The following CAPN14 variants were observed in gnomAD, a reference collection of about 807,000 sequenced individuals.
CAPN14 encodes the protein calpain-14.
In CAPN14, 94 loss-of-function variants were observed where a neutral mutation model predicts 101.3. The observed-to-expected ratio is 0.93, with a 90% confidence interval of 0.79 to 1.10. The LOEUF (loss-of-function observed/expected upper bound fraction) is 1.10, where lower values mean the gene tolerates loss of function less well. Ranked by LOEUF, CAPN14 falls within the 50% of genes least tolerant of loss-of-function variation. The pLI is 0.00. For missense variants in CAPN14, 837 were observed against 828.4 expected, an observed-to-expected ratio of 1.01 and a Z score of -0.13; for synonymous variants, 338 against 317.9, an observed-to-expected ratio of 1.06 and a Z score of -0.67.
Position 31,174,704 on chromosome 2 carries a change from T to A in CAPN14, c.2032A>T (p.Met678Leu), listed in dbSNP as rs796773681. 3.2e-6 allele frequency: 5 copies of A among 1,551,610 alleles called. No individual in the cohort carries two copies. In the Admixed American group the frequency reaches 9.8e-5, roughly 30 times the overall value. Residue 678 changes from methionine to leucine, a missense_variant, in exon 22 of 22, where the codon ATG (methionine) becomes TTG (leucine). Met to Leu is a conservative substitution (Grantham distance 15). Transcript: ENST00000403897. ...KGIYLQKPEW[M>L]MMALYS The stretch of plus-strand genomic sequence containing the variant: ...TCTCAGGAGTACAGTGCCATCATCA[T>A]CCACTGGACATGTTGGGAAAGCAAA...
intron 1 of CAPN14, among the ~76,000 whole-genome samples, chr2:31,209,377 G>T (rs1161325602): frequency 6.6e-6 from 1 of 152,104 alleles, no homozygotes; most frequent in African/African-American, 2.4e-5. Context: ...CTGGGTGCTA[G>T]GAAGGGCGTT....
At chr2:31,175,814 G>A (rs1369898758) in intron 21 of CAPN14, among the ~76,000 whole-genome samples, 1 of 152,174 alleles carries the variant, frequency 6.6e-6, no homozygotes, top group Non-Finnish European at 1.5e-5. Flanking sequence ...GCAGAGGAAG[G>A]GTTGCAGAAT....
chr2:31,180,965 C>T lies in CAPN14; in HGVS notation c.1681G>A (p.Ala561Thr). The T allele has an allele frequency of 6.4e-7, 1 of 1,551,822 alleles. No individual in the cohort carries two copies. The highest frequency in any genetic ancestry group is 1.4e-5 in the African/African-American group (1 of 73,170). The change falls in exon 17 of 22, where the codon GCC becomes ACC. Residue 561 changes from alanine (A) to threonine (T), a missense_variant. Transcript: ENST00000403897. ...GSRQPFFSLE[A>T]CQGILALLDL... is the part of the protein sequence containing the mutation. ...AGTAAGGCCAGGATCCCCTGGCAGGCTTCCAGGCTAAAGAAGGGCTGTCTG... is the reference window on the plus strand; with the variant it reads ...AGTAAGGCCAGGATCCCCTGGCAGGTTTCCAGGCTAAAGAAGGGCTGTCTG...
intron 7 of CAPN14, among the ~76,000 whole-genome samples, chr2:31,197,660 G>A (rs1174674484): frequency 6.6e-6 from 1 of 152,184 alleles, no homozygotes; most frequent in African/African-American, 2.4e-5. Context: ...TTTGGAAAAA[G>A]GATCTTTGCA....
intron 9 of CAPN14, among the ~76,000 whole-genome samples, chr2:31,193,579 C>T (rs941697210): frequency 6.6e-6 from 1 of 152,324 alleles, no homozygotes; most frequent in Admixed American, 6.5e-5. Context: ...TTTCTGGAAT[C>T]ATGGTGATAG....
At chr2:31,216,137 G>A (rs1682634047) in intron 1 of CAPN14, among the ~76,000 whole-genome samples, 1 of 152,130 alleles carries the variant, frequency 6.6e-6, no homozygotes, top group African/African-American at 2.4e-5. Context: ...AATATGATGA[G>A]ATTCACAAAC....
At chr2:31,197,384 C>A (rs943732727) in intron 7 of CAPN14, 50 bp from the exon 8 acceptor site, 1 of 1,269,680 alleles carries the variant, frequency 7.9e-7, no homozygotes, top group African/African-American at 1.5e-5. Flanking sequence ...TGCAAACATT[C>A]CAGAGATCTG....
chr2:31,178,540 C>T lies in CAPN14; in HGVS notation c.1750G>A (p.Asp584Asn). 6.5e-7 allele frequency: 1 copy of T among 1,549,548 alleles called. No individual in the cohort carries two copies. The highest frequency in any genetic ancestry group is 1.2e-5 in the South Asian group (1 of 83,666). Residue 584 changes from aspartate to asparagine, a missense_variant, in exon 18 of 22, where the codon GAC becomes AAC. Asp to Asn is a conservative substitution (Grantham distance 23, BLOSUM62 1). Transcript: ENST00000403897. ...GAGAGCTTCAGCTGCTTCCACAGGT[C>T]CCTGAATTCCTGGATGCTCATAGTA... ...SGTMSIQEFR[D>N]LWKQLKLSQK... is the part of the protein sequence containing the mutation.
chr2:31,210,164 C>A (rs111309892), intron 1 of CAPN14, among the ~76,000 whole-genome samples: 8,592 of 152,258 alleles, frequency 0.056, 288 homozygotes, highest in African/African-American at 0.085. Flanking sequence ...TCAGTCAGGG[C>A]CAGGAGCGGT....
At chr2:31,229,080 C>T (rs1683109058) in intron 1 of CAPN14, among the ~76,000 whole-genome samples, 1 of 152,150 alleles carries the variant, frequency 6.6e-6, no homozygotes, top group Non-Finnish European at 1.5e-5. Flanking sequence ...AGTCCAAAAA[C>T]ACTAAACTTC....
intron 1 of CAPN14, among the ~76,000 whole-genome samples, chr2:31,231,800 C>T (rs1683201208): frequency 6.6e-6 from 1 of 152,204 alleles, no homozygotes; most frequent in South Asian, 2.1e-4. Context: ...GGTCCAGACG[C>T]CACTGTATTA....
chr2:31,174,800 G>A (rs1337391307), intron 21 of CAPN14, 93 bp from the exon 22 acceptor site: 1 of 1,180,370 alleles, frequency 8.5e-7, no homozygotes, highest in South Asian at 1.3e-5. Context: ...CATGGAGACA[G>A]AACATTAATG....
intron 10 of CAPN14, 46 bp from the exon 11 acceptor site, chr2:31,192,144 G>A: frequency 6.7e-7 from 1 of 1,493,464 alleles, no homozygotes; most frequent in Non-Finnish European, 9.0e-7. Context: ...GGATCCCCAT[G>A]CATCCTGCTT....
intron 21 of CAPN14, among the ~76,000 whole-genome samples, chr2:31,176,342 T>C (rs370385463): frequency 2.4e-4 from 37 of 152,240 alleles, no homozygotes; most frequent in East Asian, 2.1e-3. Context: ...ATTTGTCACA[T>C]GGCATTATTG....
rs540711934 is a variant in CAPN14 at position 31,178,803 on chromosome 2, G to A, written c.1711-224C>T. On this transcript the variant is annotated intron_variant, in intron 17 of 21. Coordinates refer to ENST00000403897, the MANE Select transcript of CAPN14 (RefSeq NM_001145122.2). ...AATGAGCCCAGAGCACAGCAGCACT[G>A]GGAGAAGCGATGATGATGGAGGTGA... Among the ~76,000 whole-genome samples the A allele has an allele frequency of 1.8e-4, 27 of 152,160 alleles. No individual in the cohort carries two copies. The Middle Eastern group carries it at 0.017, about 96-fold the overall frequency.
rs1316483720 is a variant in CAPN14, at chr2:31,192,032, A to G, written c.1181T>C (p.Leu394Pro). Residue 394 changes from leucine (L) to proline (P), a missense_variant, in exon 11 of 22, where the codon CTG becomes CCG. Leu to Pro is a moderately conservative substitution (Grantham distance 98). Transcript: ENST00000403897. The stretch of plus-strand genomic sequence containing the variant: ...GGACACCAGCACGCTGCAGGGCCTC[A>G]GGGATCTCCTGCCCTCCTCGGGCCT... The part of the protein sequence containing the change: ...VWRPEEGRRS[L>P]RPCSVLVSLL... 1.9e-6 allele frequency: 3 copies of G among 1,551,610 alleles called. No individual in the cohort carries two copies. The highest frequency in any genetic ancestry group is 1.7e-6 in the Non-Finnish European group (2 of 1,146,948).
intron 16 of CAPN14, among the ~76,000 whole-genome samples, chr2:31,181,599 G>C (rs967355138): frequency 1.3e-4 from 19 of 146,614 alleles, no homozygotes; most frequent in African/African-American, 4.9e-4. Context: ...GTATACATGT[G>C]CCATGCTGGT....
intron 2 of CAPN14, among the ~76,000 whole-genome samples, chr2:31,224,799 C>A (rs1682971407): frequency 6.6e-6 from 1 of 151,616 alleles, no homozygotes; most frequent in Non-Finnish European, 1.5e-5. Context: ...TATAAAATAT[C>A]TGAGAATAAT....
At chr2:31,209,453 A>C (rs1439274183) in intron 1 of CAPN14, among the ~76,000 whole-genome samples, 4 of 152,108 alleles carry the variant, frequency 2.6e-5, no homozygotes, top group Non-Finnish European at 5.9e-5. Flanking sequence ...CCAGAGGAGG[A>C]GGCCTTTGAA....
Sources: gnomAD v4.1 joint callset for allele counts (sites outside exome capture counted in the v4.1 genomes callset) on GRCh38, gnomAD v4.1.1 for gene constraint, MANE v1.5 for transcripts, NCBI Gene and HGNC (gene_info 2026-07-23, HGNC 2026-07-21) for gene names.